ABCC4: variants seen among roughly 807,000 people sequenced by gnomAD.
ABCC4 encodes the protein ATP binding cassette subfamily C member 4 (PEL blood group).
Under a neutral mutation model 168.5 loss-of-function variants are expected in ABCC4, and 102 were observed. The observed-to-expected ratio is 0.61, with a 90% CI of 0.52 to 0.71. The LOEUF is 0.71. ABCC4 is among the 30% of genes least tolerant of loss of function. The probability of loss-of-function intolerance (pLI) is 0.00; values close to 1 mark genes in which losing one functional copy is unlikely to be tolerated. For synonymous variants in ABCC4, 617 were observed against 590.7 expected, an observed-to-expected ratio of 1.04 and a Z score of -0.65; for missense variants, 1,402 against 1,605.8, an observed-to-expected ratio of 0.87 and a Z score of 2.17.
chr13:95,070,349 T>C (rs751168863), intron 25 of ABCC4, among the ~76,000 whole-genome samples: 2 of 151,806 alleles, frequency 1.3e-5, no homozygotes, highest in Non-Finnish European at 1.5e-5. Context: ...GACAGGTGCT[T>C]GGGGAGAAGG....
chr13:95,179,126 C>T (rs1024673072), intron 11 of ABCC4, among the ~76,000 whole-genome samples: 1 of 152,142 alleles, frequency 6.6e-6, no homozygotes, highest in Non-Finnish European at 1.5e-5. Flanking sequence ...TGCTGGAGAC[C>T]CAACCGTGAG....
At chr13:95,047,317 T>C (rs2032618627) in intron 27 of ABCC4, among the ~76,000 whole-genome samples, 1 of 152,184 alleles carries the variant, frequency 6.6e-6, no homozygotes, top group Admixed American at 6.5e-5. Context: ...ATACTAAGAT[T>C]ATTTTGAAGA....
chr13:95,229,407 T>C (rs923715068), intron 4 of ABCC4, among the ~76,000 whole-genome samples: 2 of 152,128 alleles, frequency 1.3e-5, no homozygotes, highest in Non-Finnish European at 2.9e-5. Context: ...AATAAAAAGT[T>C]TCCCCAAACT....
At chr13:95,284,722 C>A (rs1013482528) in intron 1 of ABCC4, among the ~76,000 whole-genome samples, 7 of 152,198 alleles carry the variant, frequency 4.6e-5, no homozygotes, top group Admixed American at 1.3e-4. Context: ...GTATTCCCAG[C>A]ACCTATAATC....
rs1566355097 is a variant in ABCC4 at position 95,029,176 on chromosome 13, A to ATCTATATCTATATC, written c.3870+5428_3870+5429insGATATAGATATAGA. On this transcript the variant is annotated intron_variant, in intron 30 of 30. Coordinates refer to ENST00000645237, the MANE Select transcript of ABCC4 (RefSeq NM_005845.5). ...TGCTTTAAAAAAAATACATATATAT[A>ATCTATATCTATATC]TATATATATATATATATATATATAT... 1.3e-3 allele frequency among the ~76,000 whole-genome samples: 64 copies of ATCTATATCTATATC among 51,054 alleles called. 2 individuals are homozygous for ATCTATATCTATATC. The highest frequency in any genetic ancestry group is 3.9e-3 in the African/African-American group (49 of 12,600). 33.5% of individuals were successfully genotyped at this position (51,054 alleles called of 152,430 possible).
At chr13:95,042,341 C>T (rs549332933) in intron 29 of ABCC4, among the ~76,000 whole-genome samples, 2 of 152,272 alleles carry the variant, frequency 1.3e-5, no homozygotes, top group Admixed American at 1.3e-4. Flanking sequence ...TCCATTGCAC[C>T]ATCTTCACTG....
At chr13:95,132,285 G>A (rs1011908292) in intron 19 of ABCC4, among the ~76,000 whole-genome samples, 11 of 152,144 alleles carry the variant, frequency 7.2e-5, no homozygotes, top group East Asian at 1.9e-4. Context: ...GCGTGATCTC[G>A]GCTCACTGCA....
chr13:95,235,678 A>C (rs1257595764), intron 3 of ABCC4, among the ~76,000 whole-genome samples: 1 of 152,104 alleles, frequency 6.6e-6, no homozygotes, highest in Non-Finnish European at 1.5e-5. Context: ...GAGTCGGTAG[A>C]TCTAACACCA....
At chr13:95,166,944 T>C (rs768059827) in intron 14 of ABCC4, among the ~76,000 whole-genome samples, 1 of 152,098 alleles carries the variant, frequency 6.6e-6, no homozygotes, top group Non-Finnish European at 1.5e-5. Flanking sequence ...CCCAGCACTT[T>C]GGAAGACCAA....
Position 95,020,996 on chromosome 13 carries a change from A to AT in ABCC4, c.*578dup, listed in dbSNP as rs4148552. On this transcript the variant is annotated 3_prime_UTR_variant, in exon 31 of 31. Transcript: ENST00000645237. ...CCTTCTATCCTTTAACCATGTATCC[A>AT]TTTTTTTTTTTGATGGGGAGTAAGG... The AT allele has an allele frequency of 7.1e-4, 106 of 149,898 alleles. No homozygotes were observed. Among genetic ancestry groups the AT allele is most frequent in the African/African-American group, 3.9e-4 (16 of 40,568 alleles). 9.3% of individuals were successfully genotyped at this position (149,898 alleles called of 1,614,324 possible). A position where few individuals can be genotyped will look rare whatever the true frequency, so the allele number is the denominator to read the frequency against.
chr13:95,136,042 A>G (rs2036133117), intron 19 of ABCC4, among the ~76,000 whole-genome samples: 1 of 152,214 alleles, frequency 6.6e-6, no homozygotes, highest in Non-Finnish European at 1.5e-5. Flanking sequence ...GTTTTTAAAA[A>G]TGTTAGCAAA....
chr13:95,254,071 A>G (rs1369199168), intron 1 of ABCC4, among the ~76,000 whole-genome samples: 1 of 151,920 alleles, frequency 6.6e-6, no homozygotes, highest in Admixed American at 6.6e-5. Context: ...TTTTTTAAGT[A>G]TATTTTTGTA....
chr13:95,275,125 C>T (rs1048778451), intron 1 of ABCC4, among the ~76,000 whole-genome samples: 1 of 152,110 alleles, frequency 6.6e-6, no homozygotes. Context: ...ACATATAAAC[C>T]TCCACAGGAA....
intron 19 of ABCC4, among the ~76,000 whole-genome samples, chr13:95,137,207 G>A (rs1023518226): frequency 6.6e-6 from 1 of 152,200 alleles, no homozygotes; most frequent in Admixed American, 6.5e-5. Context: ...TCCAATGATG[G>A]ACTAAGCCAG....
chr13:95,078,097 T>C (rs2033970210), intron 21 of ABCC4, among the ~76,000 whole-genome samples: 1 of 152,168 alleles, frequency 6.6e-6, no homozygotes, highest in South Asian at 2.1e-4. Flanking sequence ...TCTCCTGTGA[T>C]AGTGCTTTAA....
chr13:95,083,213 A>AT lies in ABCC4; in HGVS notation c.2612_2613insA (p.Gly872TrpfsTer57). 1 of 1,614,084 alleles carries AT rather than the reference A, an allele frequency of 6.2e-7. No homozygotes were observed. Among genetic ancestry groups the AT allele is most frequent in the Non-Finnish European group, 8.5e-7 (1 of 1,179,980 alleles). ...GCCGAAGAAAAATGAAAATGATTCC[A>AT]AGGGGAACCAAGGGTATTGCGATCC... On this transcript the variant is annotated frameshift_variant, in exon 21 of 31. Coordinates refer to ENST00000645237, the MANE Select transcript of ABCC4 (RefSeq NM_005845.5). LOFTEE classifies it high-confidence loss of function.
chr13:95,111,220 T>C (rs2035194058), intron 20 of ABCC4, among the ~76,000 whole-genome samples: 1 of 152,224 alleles, frequency 6.6e-6, no homozygotes, highest in South Asian at 2.1e-4. Context: ...CCATTCTATG[T>C]TCATAAATGA....
chr13:95,094,425 A>T (rs998289451), intron 20 of ABCC4, among the ~76,000 whole-genome samples: 15 of 152,262 alleles, frequency 9.9e-5, no homozygotes, highest in Admixed American at 2.0e-4. Context: ...GGGAAAGGAC[A>T]CCCTTTTCAA....
chr13:95,236,199 C>T (rs2039762651), intron 3 of ABCC4, among the ~76,000 whole-genome samples: 1 of 152,096 alleles, frequency 6.6e-6, no homozygotes, highest in African/African-American at 2.4e-5. Context: ...CCTTTTCCCC[C>T]AACAAAGAAA....
Sources: allele counts gnomAD v4.1 joint callset (sites outside exome capture counted in the v4.1 genomes callset), GRCh38; gene constraint gnomAD v4.1.1; transcripts MANE v1.5; gene names NCBI Gene and HGNC (gene_info 2026-07-23, HGNC 2026-07-21).